Variants in MAP4K5 observed in about 807,000 individuals in gnomAD.
MAP4K5 encodes the protein MAPK/ERK kinase kinase kinase 5.
In MAP4K5, 82 loss-of-function variants were observed where a neutral mutation model predicts 135.6. The observed-to-expected ratio is 0.60, with a 90% CI of 0.51 to 0.73. MAP4K5 has a LOEUF of 0.73. MAP4K5 is among the 30% of genes least tolerant of loss of function. The pLI is 0.00. For missense variants in MAP4K5, 907 were observed against 1,010.9 expected (o/e 0.90, Z 1.39); for synonymous variants, 347 against 335.0 (o/e 1.04, Z -0.39).
chr14:50,438,197 G>A (rs1056382863), intron 23 of MAP4K5, 103 bp from the exon 24 acceptor site: 2 of 587,328 alleles, frequency 3.4e-6, no homozygotes, highest in Admixed American at 3.0e-5. Context: ...TAGATAAAAT[G>A]TTTTTAAATT....
chr14:50,441,741 TATACAC>T (rs1267994168), intron 21 of MAP4K5, among the ~76,000 whole-genome samples: 7 of 101,400 alleles, frequency 6.9e-5, no homozygotes, highest in South Asian at 3.7e-4. Flanking sequence ...AAAATTATTT[TATACAC>T]ACACACACAC....
rs1375710651 is a variant in MAP4K5, at chr14:50,428,749, C to T, written c.2239G>A (p.Val747Met). ...TTTCCTTGTAGATTTACAATTTTCA[C>T]AAATTCTTAAAAAAAAAAAACAAGT... is the stretch of plus-strand genomic sequence containing the variant. Reference protein sequence around the residue: ...DTVLVCLDKFVKIVNLQGKLK... With the variant: ...DTVLVCLDKFMKIVNLQGKLK... The change falls in exon 30 of 33, where the codon GTG (valine) becomes ATG (methionine). Residue 747 changes from valine to methionine, a missense_variant. This residue lies in a region of MAP4K5 where 690 missense variants were observed against 777.4 expected (regional missense o/e 0.89). Coordinates refer to ENST00000682126, the MANE Select transcript of MAP4K5 (RefSeq NM_006575.6). The T allele has an allele frequency of 2.9e-6, 4 of 1,375,594 alleles. No homozygotes were observed. The highest frequency in any genetic ancestry group is 3.9e-6 in the Non-Finnish European group (4 of 1,022,338). 85.2% of individuals were successfully genotyped at this position (1,375,594 alleles called of 1,614,324 possible).
chr14:50,511,770 T>C lies in MAP4K5; in HGVS notation c.109-6913A>G, dbSNP rs2037934544. On this transcript the variant is annotated intron_variant, in intron 2 of 32. Transcript: ENST00000682126. The stretch of plus-strand genomic sequence containing the variant: ...ACGGAAGAATCCTAAATGCATATTG[T>C]TAAGTGAAAGAAGCCAGTCTAAGAA... Among the ~76,000 whole-genome samples, 3 of 152,118 alleles carry C rather than the reference T, an allele frequency of 2.0e-5. No homozygotes were observed. In the South Asian group the frequency reaches 6.2e-4, roughly 32 times the overall value.
intron 9 of MAP4K5, among the ~76,000 whole-genome samples, chr14:50,470,214 T>G (rs2036926489): frequency 1.3e-5 from 2 of 152,092 alleles, no homozygotes; most frequent in Admixed American, 1.3e-4. Context: ...CCTGGCTCAG[T>G]GGGAAACTGT....
chr14:50,442,760 T>G lies in MAP4K5; in HGVS notation c.1536A>C (p.Ala512=). Residue 512 remains alanine, a synonymous_variant, in exon 21 of 33, where the codon GCA becomes GCC. Transcript: ENST00000682126. ...TTGTATCAGGATGTATCCAGGATGT[T>G]GCACAATTAATTTTCAAAGGACAGC... ...FDGCPLKINC[A]TSWIHPDTKD... is the part of the protein sequence containing the mutation. 1 of 1,599,038 alleles carries G rather than the reference T, an allele frequency of 6.3e-7. No homozygotes were observed. The highest frequency in any genetic ancestry group is 8.5e-7 in the Non-Finnish European group (1 of 1,173,332).
At chr14:50,442,088 A>T (rs1202353305) in intron 21 of MAP4K5, among the ~76,000 whole-genome samples, 1 of 152,162 alleles carries the variant, frequency 6.6e-6, no homozygotes, top group Non-Finnish European at 1.5e-5. Flanking sequence ...GATTTATTTG[A>T]TTCCAAATTT....
intron 3 of MAP4K5, among the ~76,000 whole-genome samples, chr14:50,494,561 A>C (rs995582079): frequency 1.3e-5 from 2 of 152,114 alleles, no homozygotes; most frequent in East Asian, 3.8e-4. Flanking sequence ...TTTTTGCAGA[A>C]ATAAAAAAGA....
chr14:50,488,037 G>A (rs951547895), intron 3 of MAP4K5, among the ~76,000 whole-genome samples: 1 of 152,144 alleles, frequency 6.6e-6, no homozygotes, highest in South Asian at 2.1e-4. Flanking sequence ...TTCTCACACT[G>A]CTATACAGAA....
At chr14:50,547,655 G>C (rs192319402) in intron 1 of MAP4K5, among the ~76,000 whole-genome samples, 1 of 152,308 alleles carries the variant, frequency 6.6e-6, no homozygotes, top group Admixed American at 6.5e-5. Flanking sequence ...AAAGCCAAAT[G>C]GCACTTGGAA....
chr14:50,463,296 A>C (rs1292171776), intron 12 of MAP4K5, among the ~76,000 whole-genome samples: 3 of 152,240 alleles, frequency 2.0e-5, no homozygotes, highest in Admixed American at 2.0e-4. Context: ...TTATACACAC[A>C]CATATGCAGA....
intron 1 of MAP4K5, among the ~76,000 whole-genome samples, chr14:50,547,054 A>AC (rs1351531375): frequency 1.3e-5 from 2 of 152,096 alleles, no homozygotes; most frequent in African/African-American, 4.8e-5. Context: ...AAGAGAACAC[A>AC]TGGACACAGG....
intron 2 of MAP4K5, among the ~76,000 whole-genome samples, chr14:50,522,844 T>G (rs1408780857): frequency 6.6e-6 from 1 of 152,180 alleles, no homozygotes; most frequent in African/African-American, 2.4e-5. Context: ...ATACATCTAT[T>G]TTTTATTACC....
intron 1 of MAP4K5, chr14:50,559,164 A>G (rs1334027362): frequency 1.3e-5 from 2 of 152,244 alleles, no homozygotes; most frequent in Admixed American, 6.5e-5. Flanking sequence ...TTACATTGAG[A>G]GAGTGTAGCG....
Position 50,468,523 on chromosome 14 carries a change from C to T in MAP4K5, c.674+128G>A, listed in dbSNP as rs144549909. On this transcript the variant is annotated intron_variant, in intron 10 of 32. Transcript: ENST00000682126. ...CCACAATAGGTTTTGGATGAGATTA[C>T]TCCTAAATCCCTTACAATACCTTTA... 368 of 927,534 alleles carry T rather than the reference C, an allele frequency of 4.0e-4. 2 individuals are homozygous for T. In the East Asian group the frequency reaches 7.6e-3, roughly 19 times the overall value. 57.5% of individuals were successfully genotyped at this position (927,534 alleles called of 1,614,324 possible).
rs1473720885 is a variant in MAP4K5, at chr14:50,456,558, T to G, written c.973A>C (p.Asn325His). ...GTCCGTTCAGCTCTGGCATTCCTGT[T>G]TGTAGATCTAATGGTATGACGAATG... Reference protein sequence around the residue: ...AIIRHTIRSTNRNARAERTAS... With the variant: ...AIIRHTIRSTHRNARAERTAS... Residue 325 changes from asparagine (N) to histidine (H), a missense_variant, in exon 14 of 33, where the codon AAC becomes CAC. Physicochemically the swap from Asn to His is moderately conservative, Grantham distance 68. Coordinates refer to ENST00000682126, the MANE Select transcript of MAP4K5 (RefSeq NM_006575.6). The G allele has an allele frequency of 6.3e-7, 1 of 1,579,990 alleles. No homozygotes were observed. Among genetic ancestry groups the G allele is most frequent in the Non-Finnish European group, 8.6e-7 (1 of 1,161,658 alleles).
chr14:50,433,706 G>A (rs1275071226), intron 28 of MAP4K5, among the ~76,000 whole-genome samples: 2 of 152,148 alleles, frequency 1.3e-5, no homozygotes, highest in African/African-American at 2.4e-5. Flanking sequence ...GGTGAGTAAT[G>A]AAATAGCCAT....
At chr14:50,473,715 A>AC (rs2037024911) in intron 9 of MAP4K5, among the ~76,000 whole-genome samples, 1 of 104,726 alleles carries the variant, frequency 9.5e-6, no homozygotes, top group African/African-American at 4.1e-5. Flanking sequence ...TTTTGGTTTC[A>AC]CTTTTTTTTT....
intron 1 of MAP4K5, among the ~76,000 whole-genome samples, chr14:50,556,920 C>T (rs1020786806): frequency 5.9e-5 from 9 of 152,106 alleles, no homozygotes; most frequent in South Asian, 2.1e-4. Flanking sequence ...ATTGTTTCCA[C>T]CTTTTGGCTA....
intron 5 of MAP4K5, among the ~76,000 whole-genome samples, chr14:50,484,162 A>G (rs2037314482): frequency 6.6e-6 from 1 of 152,196 alleles, no homozygotes; most frequent in South Asian, 2.1e-4. Flanking sequence ...ATAGAAAAAA[A>G]TTAAATCCAG....
Sources: gnomAD v4.1 joint callset for allele counts (sites outside exome capture counted in the v4.1 genomes callset) on GRCh38, gnomAD v4.1.1 for gene constraint, gnomAD v4.1.1 regional missense constraint, MANE v1.5 for transcripts, NCBI Gene and HGNC (gene_info 2026-07-23, HGNC 2026-07-21) for gene names.